The following DFFB variants were observed in gnomAD, a reference collection of about 807,000 sequenced individuals.
DFFB encodes the protein DNA fragmentation factor subunit beta.
Under a neutral mutation model 32.7 loss-of-function variants are expected in DFFB, and 29 were observed. That is an observed-to-expected ratio of 0.89 (90% CI 0.66 to 1.21). The LOEUF (loss-of-function observed/expected upper bound fraction) is 1.21. DFFB is among the 50% of genes most tolerant of loss of function. DFFB has a pLI of 0.00. For synonymous variants in DFFB, 170 were observed against 177.1 expected, an observed-to-expected ratio of 0.96 and a Z score of 0.32; for missense variants, 398 against 440.6, an observed-to-expected ratio of 0.90 and a Z score of 0.87.
chr1:3,882,977 T>C (rs1309415895), intron 6 of DFFB, among the ~76,000 whole-genome samples: 1 of 151,736 alleles, frequency 6.6e-6, no homozygotes, highest in Admixed American at 6.6e-5. Flanking sequence ...CTGCGTACTT[T>C]TCAGTATTCT....
chr1:3,867,562 A>G (rs1360898672), intron 3 of DFFB: 1 of 170,318 alleles, frequency 5.9e-6, no homozygotes, highest in Non-Finnish European at 1.3e-5. Flanking sequence ...TCTCAAGATG[A>G]TGCAATCTGG....
rs1644961148 is a variant in DFFB at position 3,865,588 on chromosome 1, C to T, written c.242-224C>T. 13 of 678,934 alleles carry T rather than the reference C, an allele frequency of 1.9e-5. No homozygotes were observed. The East Asian group carries it at 3.5e-4, about 18-fold the overall frequency. The allele number at this position is 678,934 out of a possible 1,614,324, so 42.1% of individuals were successfully genotyped here. On this transcript the variant is annotated intron_variant, in intron 2 of 6. Transcript: ENST00000378209. This position sits in a 1 kb window ranked among gnomAD's most constrained non-coding sequence, Gnocchi z 4.7. ...GTGCGCTTTCATCTGTCCTCTAAAGCACACCCTGCCCCTCCCTCCTCTGTC... is the reference window on the plus strand; with the variant it reads ...GTGCGCTTTCATCTGTCCTCTAAAGTACACCCTGCCCCTCCCTCCTCTGTC...
Position 3,880,473 on chromosome 1 carries a change from G to T in DFFB, c.783-3034G>T, listed in dbSNP as rs190898359. On this transcript the variant is annotated intron_variant, in intron 6 of 6. Coordinates refer to ENST00000378209, the MANE Select transcript of DFFB (RefSeq NM_004402.4). ...GAGGTGGTCTCAGGGACCCCTCCCTGCTGTAGTTGGTGTCAGGAGTGAGGG... is the reference window on the plus strand; with the variant it reads ...GAGGTGGTCTCAGGGACCCCTCCCTTCTGTAGTTGGTGTCAGGAGTGAGGG... Among the ~76,000 whole-genome samples, 33 of 152,364 alleles carry T rather than the reference G, an allele frequency of 2.2e-4. No individual in the cohort carries two copies. In the East Asian group the frequency reaches 6.4e-3, roughly 29 times the overall value.
intron 6 of DFFB, 90 bp from the exon 7 acceptor site, chr1:3,883,417 G>A: frequency 1.6e-6 from 2 of 1,230,174 alleles, no homozygotes; most frequent in Non-Finnish European, 2.3e-6. Flanking sequence ...AGGGGAATTT[G>A]TGAAGAGCTG....
In DFFB at chr1:3,883,925, G is replaced by T. The variant is rs41301969; in HGVS notation, c.*184G>T. The T allele has an allele frequency of 1.2e-4, 71 of 602,342 alleles. No homozygotes were observed. Among genetic ancestry groups the T allele is most frequent in the Non-Finnish European group, 1.7e-4 (59 of 344,298 alleles). The allele number at this position is 602,342 out of a possible 1,614,324, so 37.3% of individuals were successfully genotyped here. A position where few individuals can be genotyped will look rare whatever the true frequency, so the allele number is the denominator to read the frequency against. On this transcript the variant is annotated 3_prime_UTR_variant, in exon 7 of 7. Coordinates refer to ENST00000378209, the MANE Select transcript of DFFB (RefSeq NM_004402.4). The stretch of plus-strand genomic sequence containing the variant: ...TTTCTGAATTGTTGGGGTTTTTTTT[G>T]TTGTTTTGTTTTGTTTTGTAGATGG...
In DFFB at chr1:3,883,417, G is replaced by C. The variant is rs1638230688; in HGVS notation, c.783-90G>C. On this transcript the variant is annotated intron_variant, in intron 6 of 6. Coordinates refer to ENST00000378209, the MANE Select transcript of DFFB (RefSeq NM_004402.4). ...TCCGTGATAGCACTTAGGGGAATTT[G>C]TGAAGAGCTGTGACTGCAATACACT... is the stretch of plus-strand genomic sequence containing the variant. The C allele has an allele frequency of 2.4e-6, 3 of 1,230,056 alleles. No individual in the cohort carries two copies. The Admixed American group carries it at 5.9e-5, about 24-fold the overall frequency. The allele number at this position is 1,230,056 out of a possible 1,614,324, so 76.2% of individuals were successfully genotyped here.
At chr1:3,868,614 A>ACCAGGCCACACCACACCAAG (rs1645034030) in intron 4 of DFFB, among the ~76,000 whole-genome samples, 1 of 3,004 alleles carries the variant, frequency 3.3e-4, no homozygotes, top group Non-Finnish European at 1.1e-3. Flanking sequence ...ACCATACCAG[A>ACCAGGCCACACCACACCAAG]CCACACCACA....
In DFFB at chr1:3,871,812, G is replaced by A. The variant is rs577340061; in HGVS notation, c.682-660G>A. Among the ~76,000 whole-genome samples, 5 of 152,294 alleles carry A rather than the reference G, an allele frequency of 3.3e-5. No homozygotes were observed. The South Asian group carries it at 6.2e-4, about 19-fold the overall frequency. ...TGGCGCTGGCATCTGCTCAGCTGCC[G>A]GGGAGGCCTCAGGAAACTCACACTT... On this transcript the variant is annotated intron_variant, in intron 5 of 6. Coordinates refer to ENST00000378209, the MANE Select transcript of DFFB (RefSeq NM_004402.4).
At position 3,866,006 on chromosome 1, in the gene DFFB, T is replaced by TG; in HGVS notation, c.430+11dup. 1 of 1,547,224 alleles carries TG rather than the reference T, an allele frequency of 6.5e-7. No individual in the cohort carries two copies. Among genetic ancestry groups the TG allele is most frequent in the East Asian group, 2.3e-5 (1 of 44,164 alleles). ...GGACCCGCCGTGGTTTGAAGGTGCGTGGGGGCTGCAGCTGGCAGGGGAGAG... is the reference window on the plus strand; with the variant it reads ...GGACCCGCCGTGGTTTGAAGGTGCGTGGGGGGCTGCAGCTGGCAGGGGAGAG... On this transcript the variant is annotated splice_region_variant and intron_variant, in intron 3 of 6. Coordinates refer to ENST00000378209, the MANE Select transcript of DFFB (RefSeq NM_004402.4).
At chr1:3,858,919 C>G (rs1470226881) in intron 2 of DFFB, 75 bp downstream of exon 2, 19 of 1,579,600 alleles carry the variant, frequency 1.2e-5, no homozygotes, top group Non-Finnish European at 1.5e-5. Context: ...CTCCAGGTGC[C>G]CATCAGGGTG....
intron 5 of DFFB, 44 bp from the exon 6 acceptor site, chr1:3,872,428 G>T: frequency 1.5e-6 from 2 of 1,322,234 alleles, no homozygotes; most frequent in Non-Finnish European, 2.1e-6. Flanking sequence ...AAAAAAAAAA[G>T]AGACTCACTT....
intron 6 of DFFB, among the ~76,000 whole-genome samples, chr1:3,878,252 A>G (rs143376950): frequency 0.011 from 1,690 of 151,876 alleles, 27 homozygotes; most frequent in African/African-American, 0.038. Flanking sequence ...CCTGGGTTCA[A>G]GTGATTCTTG....
Position 3,865,007 on chromosome 1 carries a change from A to G in DFFB, c.242-805A>G, listed in dbSNP as rs921189029. ...CACCCCACAAACAAAATACCTGGAC[A>G]TGAGTTCTTTGTCAGACATGTGGTT... is the stretch of plus-strand genomic sequence containing the variant. On this transcript the variant is annotated intron_variant, in intron 2 of 6. Coordinates refer to ENST00000378209, the MANE Select transcript of DFFB (RefSeq NM_004402.4). The surrounding 1 kb of genome is among the most constrained non-coding windows in gnomAD (Gnocchi z 4.7). Among the ~76,000 whole-genome samples the G allele has an allele frequency of 2.6e-5, 4 of 152,116 alleles. No homozygotes were observed. The highest frequency in any genetic ancestry group is 4.8e-5 in the African/African-American group (2 of 41,414).
At chr1:3,858,626 C>A in intron 1 of DFFB, 92 bp from the exon 2 acceptor site, 12 of 1,479,822 alleles carry the variant, frequency 8.1e-6, no homozygotes, top group Non-Finnish European at 1.1e-5. Flanking sequence ...CTTCTTTAAG[C>A]ACAGCTCATT....
In DFFB at chr1:3,883,585, G is replaced by A. The variant is rs185984222; in HGVS notation, c.861G>A (p.Glu287=). 6 of 1,614,190 alleles carry A rather than the reference G, an allele frequency of 3.7e-6. No individual in the cohort carries two copies. Among genetic ancestry groups the A allele is most frequent in the Admixed American group, 1.7e-5 (1 of 60,018 alleles). Residue 287 remains glutamate (E), a synonymous_variant, in exon 7 of 7, where the codon GAG becomes GAA. Coordinates refer to ENST00000378209, the MANE Select transcript of DFFB (RefSeq NM_004402.4). ...AAGATGGAAGAGAAGTGGACTGGGA[G>A]TATTTTTATGGCCTGCTTTTTACCT... ...KEQDGREVDW[E]YFYGLLFTSE... is the part of the protein sequence containing the mutation.
At chr1:3,868,148 T>C in intron 4 of DFFB, 95 bp downstream of exon 4, 1 of 1,111,872 alleles carries the variant, frequency 9.0e-7, no homozygotes, top group South Asian at 1.2e-5. Flanking sequence ...GGGTAGTTGG[T>C]AGGACCACAC....
intron 6 of DFFB, among the ~76,000 whole-genome samples, chr1:3,880,140 T>C (rs1473214726): frequency 1.3e-5 from 2 of 152,160 alleles, no homozygotes; most frequent in African/African-American, 4.8e-5. Flanking sequence ...AGGTGGAGGT[T>C]GGCCCCATGG....
chr1:3,858,351 C>A lies in DFFB; in HGVS notation c.115-367C>A, dbSNP rs184137646. 5.8e-3 allele frequency among the ~76,000 whole-genome samples: 889 copies of A among 152,340 alleles called. 10 individuals carry two copies. Among genetic ancestry groups the A allele is most frequent in the African/African-American group, 0.02 (844 of 41,584 alleles). On this transcript the variant is annotated intron_variant, in intron 1 of 6. Transcript: ENST00000378209. ...TTCTCCTTCGTGTGCCAGCACCGCT[C>A]TGGCGGCTGTGTGCTGGGGATGGTG...
intron 6 of DFFB, among the ~76,000 whole-genome samples, chr1:3,880,863 C>T (rs1431299713): frequency 3.3e-5 from 5 of 152,180 alleles, no homozygotes; most frequent in Admixed American, 2.0e-4. Flanking sequence ...TTGATTCCTG[C>T]GGATGCCCAG....
Sources: gnomAD v4.1 joint callset for allele counts (sites outside exome capture counted in the v4.1 genomes callset) on GRCh38, gnomAD v4.1.1 for gene constraint, Gnocchi (gnomAD v3.1) non-coding constraint, MANE v1.5 for transcripts, NCBI Gene and HGNC (gene_info 2026-07-23, HGNC 2026-07-21) for gene names.